The following MAGI2 variants were observed in gnomAD, a reference collection of about 807,000 sequenced individuals.
MAGI2 encodes the protein membrane-associated guanylate kinase, WW and PDZ domain-containing protein 2.
MAGI2 carries 35 observed loss-of-function variants against 133.3 expected under a neutral mutation model. The observed-to-expected ratio is 0.26, with a 90% CI of 0.20 to 0.35. The LOEUF is 0.35. MAGI2 is among the 10% of genes least tolerant of loss of function. The pLI is 1.00. For synonymous variants in MAGI2, 729 were observed against 710.6 expected, an observed-to-expected ratio of 1.03 and a Z score of -0.41; for missense variants, 1,636 against 1,863.4, an observed-to-expected ratio of 0.88 and a Z score of 2.25.
intron 2 of MAGI2, among the ~76,000 whole-genome samples, chr7:78,975,213 C>A (rs1003323645): frequency 3.3e-5 from 5 of 151,676 alleles, no homozygotes; most frequent in African/African-American, 1.2e-4. Flanking sequence ...GTCCATCTAA[C>A]AAGAGCAAGC....
intron 2 of MAGI2, among the ~76,000 whole-genome samples, chr7:78,986,870 C>G (rs1327305096): frequency 2.0e-5 from 3 of 152,036 alleles, no homozygotes; most frequent in Non-Finnish European, 4.4e-5. Context: ...AGTTAATCCT[C>G]TCTTATACCA....
At chr7:78,271,984 C>T (rs1054274009) in intron 9 of MAGI2, among the ~76,000 whole-genome samples, 3 of 152,038 alleles carry the variant, frequency 2.0e-5, no homozygotes, top group African/African-American at 7.2e-5. Flanking sequence ...GTCTTCTGCT[C>T]ACTTTTGAGT....
chr7:79,424,851 A>T (rs1206867427), intron 1 of MAGI2, among the ~76,000 whole-genome samples: 1 of 152,186 alleles, frequency 6.6e-6, no homozygotes, highest in Non-Finnish European at 1.5e-5. Flanking sequence ...CATGTAATGA[A>T]ATTAATTATA....
At chr7:79,220,456 C>A (rs1162062401) in intron 1 of MAGI2, among the ~76,000 whole-genome samples, 1 of 151,860 alleles carries the variant, frequency 6.6e-6, no homozygotes, top group Non-Finnish European at 1.5e-5. Flanking sequence ...TTTAATGACC[C>A]CAATACATAC....
chr7:78,527,033 A>G (rs1797031189), intron 3 of MAGI2, among the ~76,000 whole-genome samples: 2 of 148,834 alleles, frequency 1.3e-5, no homozygotes, highest in Non-Finnish European at 3.0e-5. Context: ...AAAAAAAAAA[A>G]AGAAAAAGAA....
chr7:78,658,871 G>C (rs1812600158), intron 2 of MAGI2, among the ~76,000 whole-genome samples: 1 of 152,172 alleles, frequency 6.6e-6, no homozygotes, highest in Non-Finnish European at 1.5e-5. Context: ...TAATGGTACA[G>C]TCACTATGGA....
At chr7:78,964,388 T>A (rs1803126073) in intron 2 of MAGI2, among the ~76,000 whole-genome samples, 1 of 152,058 alleles carries the variant, frequency 6.6e-6, no homozygotes, top group African/African-American at 2.4e-5. Context: ...CTCATAACCA[T>A]AATTTTAATG....
chr7:78,786,998 G>A (rs1202213894), intron 2 of MAGI2, among the ~76,000 whole-genome samples: 6 of 151,714 alleles, frequency 4.0e-5, no homozygotes, highest in Non-Finnish European at 8.8e-5. Context: ...TTGCCAAGCT[G>A]GAGTGTAGTG....
At chr7:78,984,523 G>A (rs115063549) in intron 2 of MAGI2, among the ~76,000 whole-genome samples, 322 of 151,634 alleles carry the variant, frequency 2.1e-3, no homozygotes, top group African/African-American at 7.1e-3. Flanking sequence ...CACCCACTAC[G>A]CCAAGTATGG....
At chr7:78,952,045 C>T (rs1325634732) in intron 2 of MAGI2, among the ~76,000 whole-genome samples, 1 of 152,158 alleles carries the variant, frequency 6.6e-6, no homozygotes, top group Non-Finnish European at 1.5e-5. Context: ...TGAATAAAAC[C>T]TAAACCTCTT....
intron 1 of MAGI2, among the ~76,000 whole-genome samples, chr7:79,148,829 A>T (rs151176897): frequency 0.02 from 3,029 of 149,064 alleles, 50 homozygotes; most frequent in East Asian, 0.039. Flanking sequence ...ATATATATAT[A>T]TACACATATA....
intron 10 of MAGI2, among the ~76,000 whole-genome samples, chr7:78,244,414 C>G (rs975730845): frequency 6.6e-6 from 1 of 151,828 alleles, no homozygotes; most frequent in Non-Finnish European, 1.5e-5. Flanking sequence ...TAAAAGGGTA[C>G]CCTTCCTCCC....
rs571496215 is a variant in MAGI2 at position 78,128,602 on chromosome 7, T to C, written c.3204-1186A>G. Among the ~76,000 whole-genome samples the C allele has an allele frequency of 3.3e-5, 5 of 152,246 alleles. No individual in the cohort carries two copies. In the South Asian group the frequency reaches 1.0e-3, roughly 32 times the overall value. ...TTTTTTTTAAACTGGCTTACGGTCT[T>C]ACTGATGCTGATTAGTATTAAGTAT... On this transcript the variant is annotated intron_variant, in intron 18 of 21. Coordinates refer to ENST00000354212, the MANE Select transcript of MAGI2 (RefSeq NM_012301.4).
chr7:78,514,303 T>G (rs1316271750), intron 4 of MAGI2, among the ~76,000 whole-genome samples: 1 of 151,382 alleles, frequency 6.6e-6, no homozygotes, highest in Non-Finnish European at 1.5e-5. Flanking sequence ...ATAGTAATAT[T>G]ATAATTACAA....
intron 1 of MAGI2, among the ~76,000 whole-genome samples, chr7:79,312,532 C>T (rs977744976): frequency 6.6e-6 from 1 of 152,166 alleles, no homozygotes; most frequent in Admixed American, 6.6e-5. Context: ...GCCTCACCAA[C>T]ACAGTCTGGC....
At chr7:78,278,905 C>T (rs1047335177) in intron 9 of MAGI2, among the ~76,000 whole-genome samples, 2 of 152,088 alleles carry the variant, frequency 1.3e-5, no homozygotes, top group East Asian at 3.9e-4. Context: ...GACCAAAGCT[C>T]AAATTTTACT....
chr7:78,214,126 C>G (rs150172484), intron 10 of MAGI2, among the ~76,000 whole-genome samples: 20 of 152,308 alleles, frequency 1.3e-4, no homozygotes, highest in Non-Finnish European at 2.1e-4. Flanking sequence ...AATGTTTTCA[C>G]CTGCTGAGGT....
intron 2 of MAGI2, among the ~76,000 whole-genome samples, chr7:78,991,590 C>CT (rs537865391): frequency 0.015 from 2,026 of 139,226 alleles, 14 homozygotes; most frequent in Non-Finnish European, 0.017. Flanking sequence ...CTTCATTGTC[C>CT]TTTTTTTTTT....
At chr7:78,752,604 A>G (rs955957011) in intron 2 of MAGI2, among the ~76,000 whole-genome samples, 31 of 152,340 alleles carry the variant, frequency 2.0e-4, no homozygotes, top group African/African-American at 6.7e-4. Flanking sequence ...CTCCATCTCA[A>G]AAAAATAAAA....
Sources: allele counts gnomAD v4.1 joint callset (sites outside exome capture counted in the v4.1 genomes callset), GRCh38; gene constraint gnomAD v4.1.1; transcripts MANE v1.5; gene names NCBI Gene and HGNC (gene_info 2026-07-23, HGNC 2026-07-21).